The following IL1RAP variants were observed in gnomAD, a reference collection of about 807,000 sequenced individuals.
The protein encoded by IL1RAP is interleukin-1 receptor accessory protein.
A neutral mutation model predicts 60.7 loss-of-function variants in IL1RAP; 35 were observed. That is an observed-to-expected ratio of 0.58 (90% CI 0.44 to 0.76). IL1RAP has a LOEUF of 0.76. IL1RAP is among the 30% of genes least tolerant of loss of function. The pLI, the probability that IL1RAP is intolerant of heterozygous loss-of-function variation, is 0.00. For missense variants in IL1RAP, 572 were observed against 693.9 expected (o/e 0.82, Z 1.97); for synonymous variants, 268 against 250.9 (o/e 1.07, Z -0.64).
intron 5 of IL1RAP, among the ~76,000 whole-genome samples, chr3:190,617,872 C>T (rs2108786328): frequency 6.6e-6 from 1 of 152,296 alleles, no homozygotes; most frequent in South Asian, 2.1e-4. Context: ...ATTACCCTCA[C>T]ACACGTATTA....
chr3:190,613,735 A>G (rs941783034), intron 5 of IL1RAP, among the ~76,000 whole-genome samples: 1 of 152,044 alleles, frequency 6.6e-6, no homozygotes, highest in Non-Finnish European at 1.5e-5. Flanking sequence ...CCGGAGGCTG[A>G]GGCAGGAGAA....
At chr3:190,588,314 A>C (rs752167788) in intron 3 of IL1RAP, among the ~76,000 whole-genome samples, 1 of 152,178 alleles carries the variant, frequency 6.6e-6, no homozygotes, top group Non-Finnish European at 1.5e-5. Flanking sequence ...GAGTTTCACC[A>C]TGTTGGCCAG....
intron 9 of IL1RAP, among the ~76,000 whole-genome samples, chr3:190,638,340 A>G (rs2108841486): frequency 1.3e-5 from 2 of 152,022 alleles, no homozygotes; most frequent in Admixed American, 1.3e-4. Flanking sequence ...CTGTAGTTTA[A>G]TTCTTCATTT....
chr3:190,578,912 C>G (rs1171432774), intron 3 of IL1RAP, among the ~76,000 whole-genome samples: 1 of 152,178 alleles, frequency 6.6e-6, no homozygotes, highest in East Asian at 1.9e-4. Context: ...ACCTGTGATT[C>G]AATTACCTCA....
chr3:190,528,482 G>A (rs1273241030), intron 1 of IL1RAP, among the ~76,000 whole-genome samples: 1 of 152,186 alleles, frequency 6.6e-6, no homozygotes, highest in Admixed American at 6.5e-5. Context: ...ACCACACATA[G>A]TAACACTGGG....
chr3:190,565,646 G>T (rs1726319406), intron 3 of IL1RAP, among the ~76,000 whole-genome samples: 1 of 152,186 alleles, frequency 6.6e-6, no homozygotes, highest in African/African-American at 2.4e-5. Flanking sequence ...GATAACCGGA[G>T]ATGTTATTCG....
Position 190,562,128 on chromosome 3 carries a change from A to T in IL1RAP, c.-1-2161A>T, listed in dbSNP as rs937511919. Among the ~76,000 whole-genome samples the T allele has an allele frequency of 3.3e-5, 5 of 152,138 alleles. No homozygotes were observed. The East Asian group carries it at 9.6e-4, about 29-fold the overall frequency. Reference sequence around the variant, plus strand: ...TTGAGCAAAACTCAGTTCTTTATATACTATTTTCCATTTGTGTTCTATGCT... The same window carrying T: ...TTGAGCAAAACTCAGTTCTTTATATTCTATTTTCCATTTGTGTTCTATGCT... On this transcript the variant is annotated intron_variant, in intron 2 of 11. Transcript: ENST00000447382.
At chr3:190,568,630 G>C (rs73886483) in intron 3 of IL1RAP, among the ~76,000 whole-genome samples, 2 of 152,064 alleles carry the variant, frequency 1.3e-5, no homozygotes, top group African/African-American at 4.8e-5. Context: ...GACAGTAAAG[G>C]GGTCATTTCA....
chr3:190,554,089 G>C (rs200527383), intron 1 of IL1RAP, among the ~76,000 whole-genome samples: 4 of 121,414 alleles, frequency 3.3e-5, no homozygotes, highest in Non-Finnish European at 5.1e-5. Context: ...AAAAAAAAAA[G>C]AAATGAGAGG....
chr3:190,615,825 G>GCCTTGGCCTTGGCCTTGGC (rs1176791138), intron 5 of IL1RAP, among the ~76,000 whole-genome samples: 23 of 152,122 alleles, frequency 1.5e-4, no homozygotes, highest in Admixed American at 9.2e-4. Flanking sequence ...AACGTGCCTG[G>GCCTTGGCCTTGGCCTTGGC]CTTGGCCTTC....
chr3:190,577,028 G>A (rs559291304), intron 3 of IL1RAP, among the ~76,000 whole-genome samples: 2 of 151,288 alleles, frequency 1.3e-5, no homozygotes, highest in South Asian at 4.2e-4. Context: ...GTGAACCCGG[G>A]AGGCGGAGCT....
intron 7 of IL1RAP, chr3:190,624,963 AG>A (rs1732113703): frequency 5.7e-6 from 1 of 175,458 alleles, no homozygotes; most frequent in Non-Finnish European, 1.3e-5. Context: ...GATGTTTCCG[AG>A]GGTGCTCCCT....
intron 1 of IL1RAP, among the ~76,000 whole-genome samples, chr3:190,536,667 T>A: frequency 6.6e-6 from 1 of 152,232 alleles, no homozygotes; most frequent in East Asian, 1.9e-4. Context: ...AATGTAATCA[T>A]ATTTAGCCAT....
rs181996198 is a variant in IL1RAP at position 190,620,428 on chromosome 3, G to A, written c.691G>A (p.Val231Ile). The stretch of plus-strand genomic sequence containing the variant: ...GTTTCATCTCACCAGGACTCTGACT[G>A]TAAAGGTAGTAGGTAAGCATGATTA... Reference protein sequence around the residue: ...RTFHLTRTLTVKVVGSPKNAV... With the variant: ...RTFHLTRTLTIKVVGSPKNAV... The change falls in exon 6 of 12, where the codon GTA becomes ATA. Residue 231 changes from valine (V) to isoleucine (I), a missense_variant. Transcript: ENST00000447382. The A allele has an allele frequency of 3.1e-6, 5 of 1,611,296 alleles. No homozygotes were observed. Among genetic ancestry groups the A allele is most frequent in the Middle Eastern group, 1.6e-4 (1 of 6,072 alleles).
At chr3:190,585,920 C>G (rs1457644475) in intron 3 of IL1RAP, among the ~76,000 whole-genome samples, 1 of 152,208 alleles carries the variant, frequency 6.6e-6, no homozygotes, top group Non-Finnish European at 1.5e-5. Flanking sequence ...TGACCCTAGT[C>G]TCATTGACCC....
At position 190,535,022 on chromosome 3, in the gene IL1RAP, G is replaced by T. The variant is rs544952668; in HGVS notation, c.-89+20803G>T. Among the ~76,000 whole-genome samples the T allele has an allele frequency of 3.3e-5, 5 of 152,106 alleles. No individual in the cohort carries two copies. The South Asian group carries it at 8.3e-4, about 25-fold the overall frequency. On this transcript the variant is annotated intron_variant, in intron 1 of 11. Transcript: ENST00000447382. The stretch of plus-strand genomic sequence containing the variant: ...TCAGAGAGCCTTGGTAGCAACAAAG[G>T]TCCCAAATATAGGAATCTTAGTCTG...
intron 1 of IL1RAP, among the ~76,000 whole-genome samples, chr3:190,530,338 T>C (rs1358364321): frequency 6.6e-6 from 1 of 152,200 alleles, no homozygotes; most frequent in Non-Finnish European, 1.5e-5. Flanking sequence ...TTATCAGATC[T>C]GTATTTTAGA....
chr3:190,601,473 A>C (rs1035960791), intron 3 of IL1RAP, among the ~76,000 whole-genome samples: 1 of 152,198 alleles, frequency 6.6e-6, no homozygotes, highest in African/African-American at 2.4e-5. Flanking sequence ...ACATAGCAAC[A>C]AATAGTCATT....
At chr3:190,641,818 A>G (rs542524980) in intron 9 of IL1RAP, among the ~76,000 whole-genome samples, 1 of 152,330 alleles carries the variant, frequency 6.6e-6, no homozygotes, top group African/African-American at 2.4e-5. Flanking sequence ...TGTACTGTTA[A>G]CATAACGTAC....
Sources: gnomAD v4.1 joint callset for allele counts (sites outside exome capture counted in the v4.1 genomes callset) on GRCh38, gnomAD v4.1.1 for gene constraint, MANE v1.5 for transcripts, NCBI Gene and HGNC (gene_info 2026-07-23, HGNC 2026-07-21) for gene names.